The following ZNF462 variants were observed in gnomAD, a reference collection of about 807,000 sequenced individuals.
ZNF462 encodes the protein zinc finger PBX1-interacting protein.
In ZNF462, 10 loss-of-function variants were observed where a neutral mutation model predicts 201.9. That is an observed-to-expected ratio of 0.05 (90% CI 0.03 to 0.08). The LOEUF is 0.08. ZNF462 is among the 10% of genes least tolerant of loss of function. The pLI, the probability that ZNF462 is intolerant of heterozygous loss-of-function variation, is 1.00. For synonymous variants in ZNF462, 1,227 were observed against 1,193.3 expected, an observed-to-expected ratio of 1.03 and a Z score of -0.58; for missense variants, 2,523 against 3,168.3, an observed-to-expected ratio of 0.80 and a Z score of 4.89.
chr9:106,874,029 T>G (rs1827717391), intron 1 of ZNF462, among the ~76,000 whole-genome samples: 2 of 152,096 alleles, frequency 1.3e-5, no homozygotes. Flanking sequence ...GGCCACAGAG[T>G]CATCCATTTT....
Position 106,932,491 on chromosome 9 carries a change from A to T in ZNF462, c.6058A>T (p.Thr2020Ser). 1 of 1,614,174 alleles carries T rather than the reference A, an allele frequency of 6.2e-7. No individual in the cohort carries two copies. The highest frequency in any genetic ancestry group is 1.1e-5 in the South Asian group (1 of 91,080). ...GAGCCACCTGGCCCTGGCCATGTTT[A>T]CCCGCGAGGACAAGTACAGCTGCCA... The part of the protein sequence containing the change: ...ERSHLALAMF[T>S]REDKYSCQYC... Residue 2020 changes from threonine to serine, a missense_variant, in exon 5 of 13, where the codon ACC (threonine) becomes TCC (serine). This residue lies in a region of ZNF462 where 107 missense variants were observed against 187.7 expected (regional missense o/e 0.57). Transcript: ENST00000277225. The surrounding 1 kb of genome is among the most constrained non-coding windows in gnomAD (Gnocchi z 6.8).
rs987268538 is a variant in ZNF462, at chr9:106,913,678, A to G, written c.-30-9676A>G. On this transcript the variant is annotated intron_variant, in intron 1 of 12. Transcript: ENST00000277225. The surrounding 1 kb of genome is among the most constrained non-coding windows in gnomAD (Gnocchi z 4.1). ...AGTGGCATGATCTCGACTCACTGCA[A>G]CCTCTGTCTCCCAGGCTCAAACAGT... 5.8e-5 allele frequency among the ~76,000 whole-genome samples: 8 copies of G among 138,864 alleles called. No individual in the cohort carries two copies. The highest frequency in any genetic ancestry group is 1.3e-4 in the Non-Finnish European group (8 of 60,132). The allele number at this position is 138,864 out of a possible 152,430, so 91.1% of individuals were successfully genotyped here.
In ZNF462 at chr9:106,864,066, C is replaced by CTCTCTG. The variant is rs1442789279; in HGVS notation, c.-31+716_-31+717insGTCTCT. Among the ~76,000 whole-genome samples, 205 of 113,088 alleles carry CTCTCTG rather than the reference C, an allele frequency of 1.8e-3. 6 individuals are homozygous for CTCTCTG. The highest frequency in any genetic ancestry group is 2.8e-3 in the Non-Finnish European group (151 of 53,372). 74.2% of individuals were successfully genotyped at this position (113,088 alleles called of 152,430 possible). Reference sequence around the variant, plus strand: ...TCTCTCTCTCTCTCTCTCTCTCTCTCTCTCTCTCTCTCTCTCTCTCTCTCT... The same window carrying CTCTCTG: ...TCTCTCTCTCTCTCTCTCTCTCTCTCTCTCTGTCTCTCTCTCTCTCTCTCTCTCTCT... On this transcript the variant is annotated intron_variant, in intron 1 of 12. Coordinates refer to ENST00000277225, the MANE Select transcript of ZNF462 (RefSeq NM_021224.6).
At chr9:106,999,236 A>T (rs754795060) in intron 10 of ZNF462, among the ~76,000 whole-genome samples, 1 of 152,136 alleles carries the variant, frequency 6.6e-6, no homozygotes, top group Non-Finnish European at 1.5e-5. Context: ...TGTTTCTCTC[A>T]ATATGTCATC....
chr9:106,877,296 ATTTTTTTTTTTT>A (rs397893311), intron 1 of ZNF462, among the ~76,000 whole-genome samples: 1 of 91,218 alleles, frequency 1.1e-5, no homozygotes, highest in East Asian at 3.5e-4. Flanking sequence ...ACTACTCATG[ATTTTTTTTTTTT>A]TTTTTTTTTT....
At chr9:107,002,839 G>A (rs1314540756) in intron 10 of ZNF462, among the ~76,000 whole-genome samples, 4 of 152,172 alleles carry the variant, frequency 2.6e-5, no homozygotes, top group African/African-American at 7.2e-5. Flanking sequence ...TGATGGGATC[G>A]TGGCAAAGAA....
At chr9:106,884,564 C>T (rs977714043) in intron 1 of ZNF462, among the ~76,000 whole-genome samples, 1 of 152,114 alleles carries the variant, frequency 6.6e-6, no homozygotes, top group African/African-American at 2.4e-5. Flanking sequence ...TGTCCCCTTC[C>T]TCCCACCATG....
intron 1 of ZNF462, among the ~76,000 whole-genome samples, chr9:106,910,363 T>TTTTTG (rs1491263706): frequency 4.5e-5 from 4 of 88,448 alleles, no homozygotes; most frequent in African/African-American, 1.9e-4. Context: ...CTTGTTTTAG[T>TTTTTG]TTTTTTTTTT....
intron 1 of ZNF462, among the ~76,000 whole-genome samples, chr9:106,912,369 A>G (rs1172313698): frequency 6.6e-6 from 1 of 152,144 alleles, no homozygotes; most frequent in Non-Finnish European, 1.5e-5. Flanking sequence ...CACTGCTTGC[A>G]TGCCTAAGAA....
At chr9:106,908,927 ATATATATATATATATTTTTTTTTTTT>A (rs1829401341) in intron 1 of ZNF462, among the ~76,000 whole-genome samples, 1 of 27,538 alleles carries the variant, frequency 3.6e-5, no homozygotes, top group African/African-American at 2.4e-4. Context: ...ATATATATAT[ATATATATATATATATTTTTTTTTTTT>A]TTTTTTTTTT....
Position 106,929,172 on chromosome 9 carries a change from C to T in ZNF462, c.5260C>T (p.Pro1754Ser), listed in dbSNP as rs912197202. The stretch of plus-strand genomic sequence containing the variant: ...CCCATCCCCGCCCAAGGACGACTCC[C>T]CTCAGCTGAGCGAGGAACTCCGGCG... ...IIPSPPKDDS[P>S]QLSEELRRAV... is the part of the protein sequence containing the mutation. The change falls in exon 3 of 13, where the codon CCT becomes TCT. Residue 1754 changes from proline (P) to serine (S), a missense_variant. Transcript: ENST00000277225. This position sits in a 1 kb window ranked among gnomAD's most constrained non-coding sequence, Gnocchi z 8.7. 2 of 1,614,186 alleles carry T rather than the reference C, an allele frequency of 1.2e-6. No individual in the cohort carries two copies. The highest frequency in any genetic ancestry group is 1.1e-5 in the South Asian group (1 of 91,090).
intron 10 of ZNF462, among the ~76,000 whole-genome samples, chr9:106,990,539 G>A (rs1486195671): frequency 3.3e-5 from 5 of 151,974 alleles, no homozygotes. Flanking sequence ...CACTATTATT[G>A]TATTGCTGTC....
intron 10 of ZNF462, among the ~76,000 whole-genome samples, chr9:106,997,906 T>G (rs1486049730): frequency 1.3e-5 from 2 of 152,142 alleles, no homozygotes; most frequent in African/African-American, 2.4e-5. Flanking sequence ...GAAATTCAGA[T>G]TTCACTTTCC....
At position 106,925,272 on chromosome 9, in the gene ZNF462, A is replaced by G; in HGVS notation, c.1360A>G (p.Ile454Val). Reference protein sequence around the residue: ...CPFLTMHRRSISRHIENIHLS... With the variant: ...CPFLTMHRRSVSRHIENIHLS... ...TTTCCTCACCATGCATCGACGTAGC[A>G]TCTCTCGTCACATAGAAAACATCCA... Residue 454 changes from isoleucine to valine, a missense_variant, in exon 3 of 13, where the codon ATC (isoleucine) becomes GTC (valine). Physicochemically the swap from Ile to Val is conservative, Grantham distance 29. This residue lies in a region of ZNF462 where 13 missense variants were observed against 43.2 expected (regional missense o/e 0.30). Coordinates refer to ENST00000277225, the MANE Select transcript of ZNF462 (RefSeq NM_021224.6). The surrounding 1 kb of genome is among the most constrained non-coding windows in gnomAD (Gnocchi z 7.9). 2 of 1,614,170 alleles carry G rather than the reference A, an allele frequency of 1.2e-6. No individual in the cohort carries two copies. The highest frequency in any genetic ancestry group is 1.7e-6 in the Non-Finnish European group (2 of 1,180,032).
chr9:106,939,891 A>G (rs933123737), intron 7 of ZNF462, among the ~76,000 whole-genome samples: 21 of 152,188 alleles, frequency 1.4e-4, no homozygotes, highest in Admixed American at 9.8e-4. Flanking sequence ...GAAGAGAAGG[A>G]GAGGAAGTCT....
chr9:106,993,350 G>C lies in ZNF462; in HGVS notation c.7056+8941G>C, dbSNP rs1828435454. On this transcript the variant is annotated intron_variant, in intron 10 of 12. Coordinates refer to ENST00000277225, the MANE Select transcript of ZNF462 (RefSeq NM_021224.6). The surrounding 1 kb of genome is among the most constrained non-coding windows in gnomAD (Gnocchi z 4.0). ...AAAATCTCCAGTGCAGTCGATTTAG[G>C]CTGCATGTTTATCCTCAGAAGCCAG... Among the ~76,000 whole-genome samples, 1 of 152,006 alleles carries C rather than the reference G, an allele frequency of 6.6e-6. No individual in the cohort carries two copies. Among genetic ancestry groups the C allele is most frequent in the African/African-American group, 2.4e-5 (1 of 41,382 alleles).
At chr9:106,899,988 C>G (rs181474846) in intron 1 of ZNF462, among the ~76,000 whole-genome samples, 95 of 140,080 alleles carry the variant, frequency 6.8e-4, no homozygotes, top group African/African-American at 2.3e-3. Flanking sequence ...TTATCTCTTG[C>G]CCCCCTCCCA....
chr9:106,995,923 G>A (rs1276325515), intron 10 of ZNF462, among the ~76,000 whole-genome samples: 1 of 151,888 alleles, frequency 6.6e-6, no homozygotes, highest in Non-Finnish European at 1.5e-5. Flanking sequence ...CCATTAACTC[G>A]TCATTTACAT....
chr9:106,903,780 T>G (rs1008662288), intron 1 of ZNF462, among the ~76,000 whole-genome samples: 1 of 152,198 alleles, frequency 6.6e-6, no homozygotes, highest in Non-Finnish European at 1.5e-5. Flanking sequence ...ATGAAATGCC[T>G]TTTTCCACCC....
Sources: allele counts gnomAD v4.1 joint callset (sites outside exome capture counted in the v4.1 genomes callset), GRCh38; gene constraint gnomAD v4.1.1; regional missense constraint gnomAD v4.1.1; non-coding constraint Gnocchi (gnomAD v3.1); transcripts MANE v1.5; gene names NCBI Gene and HGNC (gene_info 2026-07-23, HGNC 2026-07-21).